The following SPECC1 variants were observed in gnomAD, a reference collection of about 807,000 sequenced individuals.
SPECC1 encodes sperm antigen with calponin homology and coiled-coil domains 1.
Under a neutral mutation model 104.1 loss-of-function variants are expected in SPECC1, and 62 were observed. The ratio of observed to expected loss-of-function variants is 0.60; its 90% CI spans 0.49 to 0.74. The LOEUF (loss-of-function observed/expected upper bound fraction) is 0.74. SPECC1 is among the 30% of genes least tolerant of loss of function. SPECC1 has a pLI of 0.00. For synonymous variants in SPECC1, 513 were observed against 501.6 expected, an observed-to-expected ratio of 1.02 and a Z score of -0.30; for missense variants, 1,306 against 1,310.5, an observed-to-expected ratio of 1.00 and a Z score of 0.05.
intron 12 of SPECC1, among the ~76,000 whole-genome samples, chr17:20,267,203 TCCTGGAAAGGC>T (rs1268418274): frequency 3.9e-5 from 6 of 152,286 alleles, no homozygotes; most frequent in Admixed American, 3.9e-4. Flanking sequence ...AATAAGTCAC[TCCTGGAAAGGC>T]CCTCTAAATT....
At chr17:20,306,417 A>C (rs1241134144) in intron 14 of SPECC1, among the ~76,000 whole-genome samples, 1 of 152,222 alleles carries the variant, frequency 6.6e-6, no homozygotes, top group Non-Finnish European at 1.5e-5. Flanking sequence ...TTAATAAAGA[A>C]TGGGAAATAC....
At chr17:20,250,684 C>T (rs540028814) in intron 9 of SPECC1, among the ~76,000 whole-genome samples, 8 of 152,306 alleles carry the variant, frequency 5.3e-5, no homozygotes, top group Non-Finnish European at 7.3e-5. Context: ...GTCAATCTTA[C>T]GTAAATTCAG....
intron 3 of SPECC1, among the ~76,000 whole-genome samples, chr17:20,168,317 T>C (rs1567896973): frequency 6.6e-6 from 1 of 152,180 alleles, no homozygotes; most frequent in Non-Finnish European, 1.5e-5. Flanking sequence ...AATATTATTA[T>C]ATAAATAGAA....
intron 4 of SPECC1, among the ~76,000 whole-genome samples, chr17:20,206,782 C>T (rs2036812702): frequency 1.3e-5 from 2 of 152,080 alleles, no homozygotes; most frequent in African/African-American, 4.8e-5. Flanking sequence ...GCCAGATTGC[C>T]CTTCAGAAAT....
intron 3 of SPECC1, among the ~76,000 whole-genome samples, chr17:20,195,168 T>G (rs2035946494): frequency 6.6e-6 from 1 of 152,164 alleles, no homozygotes; most frequent in South Asian, 2.1e-4. Flanking sequence ...CTCTCCAAAG[T>G]TACAAGAAAA....
chr17:20,116,762 C>T (rs1337091762), intron 3 of SPECC1, among the ~76,000 whole-genome samples: 1 of 149,600 alleles, frequency 6.7e-6, no homozygotes, highest in Non-Finnish European at 1.5e-5. Context: ...CGATTTTGTC[C>T]CCCAGTTCCA....
chr17:20,092,209 C>G (rs1287413427), intron 1 of SPECC1, among the ~76,000 whole-genome samples: 1 of 151,254 alleles, frequency 6.6e-6, no homozygotes, highest in Non-Finnish European at 1.5e-5. Context: ...ACGACATCCC[C>G]CACCCCACCA....
Position 20,205,243 on chromosome 17 carries a change from A to G in SPECC1, c.1194A>G (p.Leu398=). The change falls in exon 4 of 15, where the codon TTA becomes TTG. Residue 398 remains leucine, a synonymous_variant. Transcript: ENST00000395527. ...AEELQATLQE[L]SDQQQMVQEL... ...AACTACAGGCTACTCTACAAGAATT[A>G]TCAGACCAGCAACAAATGGTACAGG... 1.9e-6 allele frequency: 3 copies of G among 1,614,180 alleles called. No homozygotes were observed. Among genetic ancestry groups the G allele is most frequent in the Non-Finnish European group, 2.5e-6 (3 of 1,180,036 alleles).
chr17:20,244,114 A>G (rs1274496521), intron 7 of SPECC1, among the ~76,000 whole-genome samples: 1 of 152,054 alleles, frequency 6.6e-6, no homozygotes, highest in African/African-American at 2.4e-5. Context: ...AGTCCCAGCA[A>G]GCTACGCAGG....
intron 3 of SPECC1, among the ~76,000 whole-genome samples, chr17:20,122,689 A>T (rs1165196784): frequency 6.6e-6 from 1 of 152,100 alleles, no homozygotes; most frequent in African/African-American, 2.4e-5. Context: ...TTGTCTCTGA[A>T]TCTGACTGCT....
At chr17:20,204,250 G>A (rs1177370611) in intron 3 of SPECC1, 83 bp from the exon 4 acceptor site, 1 of 1,479,966 alleles carries the variant, frequency 6.8e-7, no homozygotes, top group Non-Finnish European at 9.1e-7. Context: ...TGTCCACTGT[G>A]CCATGTGATT....
chr17:20,031,979 C>T (rs900886874), intron 1 of SPECC1, among the ~76,000 whole-genome samples: 1 of 152,180 alleles, frequency 6.6e-6, no homozygotes, highest in Non-Finnish European at 1.5e-5. Flanking sequence ...AATAACTCTT[C>T]AAGACCCTGG....
chr17:20,018,607 A>G (rs2044243594), intron 1 of SPECC1, among the ~76,000 whole-genome samples: 1 of 152,220 alleles, frequency 6.6e-6, no homozygotes, highest in African/African-American at 2.4e-5. Context: ...GACCATGCTC[A>G]GATCTGGTGG....
chr17:20,076,661 T>C (rs906418678), intron 1 of SPECC1, among the ~76,000 whole-genome samples: 6 of 152,216 alleles, frequency 3.9e-5, no homozygotes, highest in African/African-American at 1.4e-4. Flanking sequence ...GGAACTTTCC[T>C]TATGTTTTTG....
At chr17:20,012,890 GTC>G (rs2043990827) in intron 1 of SPECC1, among the ~76,000 whole-genome samples, 1 of 152,016 alleles carries the variant, frequency 6.6e-6, no homozygotes, top group Non-Finnish European at 1.5e-5. Flanking sequence ...TCTGCTTTTT[GTC>G]TCTATGAATT....
chr17:20,235,445 A>G (rs2038852663), intron 7 of SPECC1, among the ~76,000 whole-genome samples: 1 of 152,216 alleles, frequency 6.6e-6, no homozygotes, highest in African/African-American at 2.4e-5. Flanking sequence ...GAAAACTCTC[A>G]CTGAAATGAA....
At chr17:20,080,731 T>G (rs1206248889) in intron 1 of SPECC1, among the ~76,000 whole-genome samples, 1 of 152,140 alleles carries the variant, frequency 6.6e-6, no homozygotes, top group Non-Finnish European at 1.5e-5. Context: ...GCTTCACCTG[T>G]GCTGCCTGCG....
intron 3 of SPECC1, among the ~76,000 whole-genome samples, chr17:20,162,770 G>A (rs1344100544): frequency 2.0e-5 from 3 of 152,200 alleles, no homozygotes; most frequent in Admixed American, 6.5e-5. Context: ...GCTCACGCCT[G>A]TAATCGCAGC....
rs573365752 is a variant in SPECC1, at chr17:20,314,494, G to T, written c.*429G>T. 3.3e-6 allele frequency: 1 copy of T among 303,450 alleles called. No homozygotes were observed. Among genetic ancestry groups the T allele is most frequent in the East Asian group, 4.6e-5 (1 of 21,680 alleles). The allele number at this position is 303,450 out of a possible 1,614,324, so 18.8% of individuals were successfully genotyped here. A position where few individuals can be genotyped will look rare whatever the true frequency, so the allele number is the denominator to read the frequency against. On this transcript the variant is annotated 3_prime_UTR_variant, in exon 15 of 15. Transcript: ENST00000395527. ...TGCCTTTATGAAACCTTTGCCCTTG[G>T]CTGGGTGTGGTAGCTCGTGGCTGTA...
Sources: gnomAD v4.1 joint callset for allele counts (sites outside exome capture counted in the v4.1 genomes callset) on GRCh38, gnomAD v4.1.1 for gene constraint, MANE v1.5 for transcripts, NCBI Gene and HGNC (gene_info 2026-07-23, HGNC 2026-07-21) for gene names.